Variants in NUDT10 observed in about 807,000 individuals in gnomAD.
NUDT10 encodes diphosphoinositol polyphosphate phosphohydrolase 3-alpha.
A neutral mutation model predicts 10.5 loss-of-function variants in NUDT10; 2 were observed. The observed-to-expected ratio is 0.19, with a 90% CI of 0.08 to 0.60. The LOEUF (loss-of-function observed/expected upper bound fraction) is 0.60, where lower values mean the gene tolerates loss of function less well. Ranked by LOEUF, NUDT10 falls within the 20% of genes least tolerant of loss-of-function variation. The pLI, the probability that NUDT10 is intolerant of heterozygous loss-of-function variation, is 0.89. For synonymous variants in NUDT10, 53 were observed against 71.8 expected (o/e 0.74, Z 1.32); for missense variants, 75 against 149.5 (o/e 0.50, Z 2.60).
intron 1 of NUDT10, among the ~76,000 whole-genome samples, chrX:51,335,182 G>A (rs1218568861): frequency 9.2e-6 from 1 of 109,082 alleles, no homozygotes; most frequent in African/African-American, 3.4e-5. Context: ...GCTGGGCATC[G>A]TGGTGTGCGC....
rs782529970 is a variant in NUDT10 at position 51,332,826 on chromosome X, G to C, written c.-140G>C. 2.1e-5 allele frequency: 20 copies of C among 955,058 alleles called. No individual in the cohort carries two copies. The highest frequency in any genetic ancestry group is 1.6e-4 in the Admixed American group (4 of 25,399). 78.7% of individuals were successfully genotyped at this position (955,058 alleles called of 1,213,427 possible). On this transcript the variant is annotated 5_prime_UTR_variant, in exon 1 of 2. Coordinates refer to ENST00000356450, the MANE Select transcript of NUDT10 (RefSeq NM_001304963.2). Reference sequence around the variant, plus strand: ...CCGCTCCCCGGGCTCGGGGGCAGACGGCAGACGGAGGCGCCTCTCTCTCCC... The same window carrying C: ...CCGCTCCCCGGGCTCGGGGGCAGACCGCAGACGGAGGCGCCTCTCTCTCCC...
In NUDT10 at chrX:51,334,064, T is replaced by G. The variant is rs1377412617; in HGVS notation, c.494+605T>G. On this transcript the variant is annotated intron_variant, in intron 1 of 1. Transcript: ENST00000356450. ...TTGAATTCGTAAAAACATTAGGAAA[T>G]CCTACATCTTGTGCTCTTTCTGCAC... 1.1e-4 allele frequency among the ~76,000 whole-genome samples: 12 copies of G among 111,788 alleles called. No homozygotes were observed. The East Asian group carries it at 3.4e-3, about 31-fold the overall frequency.
In NUDT10 at chrX:51,336,606, G is replaced by C. The variant is rs1217255639; in HGVS notation, c.*367G>C. ...ACATCACTGAAGATTTGTTTCAGTA[G>C]TTCATATTTTGTAATGATACTGAAT... On this transcript the variant is annotated 3_prime_UTR_variant, in exon 2 of 2. Transcript: ENST00000356450. 1 of 134,922 alleles carries C rather than the reference G, an allele frequency of 7.4e-6. No individual in the cohort carries two copies. Among genetic ancestry groups the C allele is most frequent in the Admixed American group, 8.8e-5 (1 of 11,315 alleles). The allele number at this position is 134,922 out of a possible 1,213,427, so 11.1% of individuals were successfully genotyped here. A position where few individuals can be genotyped will look rare whatever the true frequency, so the allele number is the denominator to read the frequency against.
upstream of NUDT10, chrX:51,332,745 A>T (rs1557312176): frequency 4.2e-6 from 2 of 478,917 alleles, no homozygotes; most frequent in South Asian, 8.8e-5. Context: ...TGGCTGACTG[A>T]CACGCCTCGC....
At chrX:51,332,539 G>A (rs1327879904), upstream of NUDT10, among the ~76,000 whole-genome samples, 1 of 112,480 alleles carries the variant, frequency 8.9e-6, no homozygotes, top group Non-Finnish European at 1.9e-5. Flanking sequence ...CTGGCCCCTC[G>A]CCCCGGTTCC....
At chrX:51,335,749 G>A (rs1447369115) in intron 1 of NUDT10, among the ~76,000 whole-genome samples, 1 of 112,122 alleles carries the variant, frequency 8.9e-6, no homozygotes, top group East Asian at 2.8e-4. Context: ...GTTGTTGACT[G>A]GGAAAAGGGA....
chrX:51,333,501 C>A, intron 1 of NUDT10, 42 bp downstream of exon 1: 2 of 1,196,621 alleles, frequency 1.7e-6, no homozygotes, highest in Non-Finnish European at 2.3e-6. Context: ...GTTTGTCTGC[C>A]TTGCTTAAAA....
chrX:51,333,625 GTT>G (rs1922748844), intron 1 of NUDT10, among the ~76,000 whole-genome samples, 166 bp downstream of exon 1: 1 of 109,187 alleles, frequency 9.2e-6, no homozygotes, highest in Admixed American at 9.8e-5. Context: ...GCCAGGCCCT[GTT>G]TTCAGTTGGC....
chrX:51,332,645 C>G (rs1352397820), upstream of NUDT10, among the ~76,000 whole-genome samples: 31 of 113,082 alleles, frequency 2.7e-4, no homozygotes, highest in African/African-American at 9.6e-4. Flanking sequence ...AGCGGGTGGG[C>G]TCTGTGGAGA....
chrX:51,335,882 G>A, intron 1 of NUDT10, among the ~76,000 whole-genome samples: 1 of 112,249 alleles, frequency 8.9e-6, no homozygotes, highest in Middle Eastern at 4.6e-3. Flanking sequence ...CTTTCTGAAT[G>A]ACTGTTGGCC....
At chrX:51,332,809 C>CG (rs1311695769), upstream of NUDT10, 2,000 of 887,334 alleles carry the variant, frequency 2.3e-3, 4 homozygotes, top group Non-Finnish European at 2.8e-3. Flanking sequence ...CTCCGCTCCC[C>CG]GGGCTCGGGG....
chrX:51,332,545 G>T (rs1922688491), upstream of NUDT10, among the ~76,000 whole-genome samples: 1 of 112,898 alleles, frequency 8.9e-6, no homozygotes, highest in African/African-American at 3.2e-5. Context: ...CCTCGCCCCG[G>T]TTCCTCGCCC....
chrX:51,335,305 C>CAA (rs35660767), intron 1 of NUDT10, among the ~76,000 whole-genome samples: 166 of 43,031 alleles, frequency 3.9e-3, no homozygotes, highest in African/African-American at 0.011. Flanking sequence ...GCGACCGTCT[C>CAA]AAAAAAAAAA....
At chrX:51,332,525 G>A (rs1922686363), upstream of NUDT10, among the ~76,000 whole-genome samples, 1 of 112,958 alleles carries the variant, frequency 8.9e-6, no homozygotes, top group Admixed American at 9.2e-5. Context: ...GGAGACCCCC[G>A]CCCCTGGCCC....
chrX:51,334,542 C>G (rs1557312584), intron 1 of NUDT10, among the ~76,000 whole-genome samples: 2 of 112,321 alleles, frequency 1.8e-5, no homozygotes, highest in Non-Finnish European at 3.8e-5. Flanking sequence ...TCAGCTGGTA[C>G]AGAATTGTCA....
chrX:51,336,144 G>C, intron 1 of NUDT10, 95 bp from the exon 2 acceptor site: 1 of 480,566 alleles, frequency 2.1e-6, no homozygotes, highest in Non-Finnish European at 3.8e-6. Context: ...AATTCAAAAT[G>C]GTTGATGAGC....
intron 1 of NUDT10, among the ~76,000 whole-genome samples, chrX:51,334,235 A>G (rs1410231699): frequency 3.6e-5 from 4 of 111,924 alleles, no homozygotes; most frequent in Admixed American, 9.5e-5. Context: ...TTTCCCATGT[A>G]GATTAACCTT....
In NUDT10 at chrX:51,332,842, T is replaced by A. The variant is rs1380695954; in HGVS notation, c.-124T>A. ...GGGGCAGACGGCAGACGGAGGCGCCTCTCTCTCCCCGCCCCTCTCCTCGGC... is the reference window on the plus strand; with the variant it reads ...GGGGCAGACGGCAGACGGAGGCGCCACTCTCTCCCCGCCCCTCTCCTCGGC... On this transcript the variant is annotated 5_prime_UTR_variant, in exon 1 of 2. Transcript: ENST00000356450. 2.0e-6 allele frequency: 2 copies of A among 1,014,438 alleles called. No homozygotes were observed. The highest frequency in any genetic ancestry group is 2.6e-6 in the Non-Finnish European group (2 of 770,165). The allele number at this position is 1,014,438 out of a possible 1,213,427, so 83.6% of individuals were successfully genotyped here.
At chrX:51,335,224 A>G (rs1389124773) in intron 1 of NUDT10, among the ~76,000 whole-genome samples, 1 of 102,334 alleles carries the variant, frequency 9.8e-6, no homozygotes, top group East Asian at 3.3e-4. Context: ...AGGCTGAGGT[A>G]GGAGAATCGC....
Sources: allele counts gnomAD v4.1 joint callset (sites outside exome capture counted in the v4.1 genomes callset), GRCh38; gene constraint gnomAD v4.1.1; transcripts MANE v1.5; gene names NCBI Gene and HGNC (gene_info 2026-07-23, HGNC 2026-07-21).